The following CUL7 variants were observed in gnomAD, a reference collection of about 807,000 sequenced individuals.
CUL7 encodes the protein cullin-7.
CUL7 carries 96 observed loss-of-function variants against 177.7 expected under a neutral mutation model. The ratio of observed to expected loss-of-function variants is 0.54; its 90% CI spans 0.46 to 0.64. The LOEUF (loss-of-function observed/expected upper bound fraction) is 0.64, where lower values mean the gene tolerates loss of function less well. Ranked by LOEUF, CUL7 falls within the 30% of genes least tolerant of loss-of-function variation. The pLI is 0.00. For synonymous variants in CUL7, 824 were observed against 890.2 expected (o/e 0.93, Z 1.32); for missense variants, 1,893 against 2,187.9 (o/e 0.87, Z 2.69).
chr6:43,040,885 C>T lies in CUL7; in HGVS notation c.3806+30G>A, dbSNP rs1763357009. On this transcript the variant is annotated intron_variant, in intron 20 of 25. Transcript: ENST00000265348. The surrounding 1 kb of genome is among the most constrained non-coding windows in gnomAD (Gnocchi z 4.2). ...TCTGCCACCATCATCCTGCCTCCCG[C>T]CAGCTCCCGCTCCTTAGGTCCACAC... 2 of 1,611,528 alleles carry T rather than the reference C, an allele frequency of 1.2e-6. No homozygotes were observed. Among genetic ancestry groups the T allele is most frequent in the Admixed American group, 1.7e-5 (1 of 59,662 alleles).
chr6:43,050,269 G>C lies in CUL7; in HGVS notation c.1363C>G (p.Leu455Val), dbSNP rs552369747. Residue 455 changes from leucine to valine, a missense_variant, in exon 5 of 26, where the codon CTG (leucine) becomes GTG (valine). Leu to Val is a conservative substitution (Grantham distance 32, BLOSUM62 1). Around this residue, in one of 5 missense-constraint regions of CUL7, gnomAD observed 653 missense variants for 725.2 expected, o/e 0.90. Transcript: ENST00000265348. The surrounding 1 kb of genome is among the most constrained non-coding windows in gnomAD (Gnocchi z 4.1). Reference sequence around the variant, plus strand: ...TCCTCCCTGAGCTCACCTCTACCCAGGACTCTACTGGCCACTGCCCCTTGG... The same window carrying C: ...TCCTCCCTGAGCTCACCTCTACCCACGACTCTACTGGCCACTGCCCCTTGG... ...EYQGAVASRVLGRALPAWRWR... is the reference protein window; with the variant it reads ...EYQGAVASRVVGRALPAWRWR... 10 of 1,614,160 alleles carry C rather than the reference G, an allele frequency of 6.2e-6. No homozygotes were observed. In the African/African-American group the frequency reaches 8.0e-5, roughly 13 times the overall value.
chr6:43,052,182 T>C lies in CUL7; in HGVS notation c.580+27A>G, dbSNP rs764379986. The C allele has an allele frequency of 2.5e-6, 4 of 1,613,662 alleles. No individual in the cohort carries two copies. The East Asian group carries it at 8.9e-5, about 36-fold the overall frequency. On this transcript the variant is annotated intron_variant, in intron 2 of 25. Coordinates refer to ENST00000265348, the MANE Select transcript of CUL7 (RefSeq NM_014780.5). The surrounding 1 kb of genome is among the most constrained non-coding windows in gnomAD (Gnocchi z 4.5). ...AGCCGACCCAGCCCTTCTCCTGCTT[T>C]CCCTTCCTCCCCACACTGCCCCTCA...
chr6:43,045,762 C>T lies in CUL7; in HGVS notation c.2767-80G>A. On this transcript the variant is annotated intron_variant, in intron 13 of 25. Transcript: ENST00000265348. This position sits in a 1 kb window ranked among gnomAD's most constrained non-coding sequence, Gnocchi z 4.8. ...CTAGGCTCCAGTCCCCTCACTGTTT[C>T]CCTCCCTTCCCCAGCCCTGGGATGT... 1.4e-6 allele frequency: 2 copies of T among 1,465,530 alleles called. No homozygotes were observed. Among genetic ancestry groups the T allele is most frequent in the Non-Finnish European group, 1.9e-6 (2 of 1,048,726 alleles). 90.8% of individuals were successfully genotyped at this position (1,465,530 alleles called of 1,614,324 possible).
rs977887776 is a variant in CUL7, at chr6:43,053,272, G to A, written c.-9+350C>T. Among the ~76,000 whole-genome samples the A allele has an allele frequency of 4.6e-5, 7 of 152,142 alleles. No homozygotes were observed. In the East Asian group the frequency reaches 1.4e-3, roughly 29 times the overall value. On this transcript the variant is annotated intron_variant, in intron 1 of 25. Coordinates refer to ENST00000265348, the MANE Select transcript of CUL7 (RefSeq NM_014780.5). The surrounding 1 kb of genome is among the most constrained non-coding windows in gnomAD (Gnocchi z 4.1). Reference sequence around the variant, plus strand: ...AAGAGTCCCGAGATCGCAGAGTTAAGAGACCTGAGAACTGGTGGTGGAGTG... The same window carrying A: ...AAGAGTCCCGAGATCGCAGAGTTAAAAGACCTGAGAACTGGTGGTGGAGTG...
chr6:43,037,651 G>C lies in CUL7; in HGVS notation c.*37C>G, dbSNP rs777242487. 1 of 1,517,676 alleles carries C rather than the reference G, an allele frequency of 6.6e-7. No individual in the cohort carries two copies. The highest frequency in any genetic ancestry group is 9.0e-7 in the Non-Finnish European group (1 of 1,116,696). The allele number at this position is 1,517,676 out of a possible 1,614,324, so 94.0% of individuals were successfully genotyped here. A position where few individuals can be genotyped will look rare whatever the true frequency, so the allele number is the denominator to read the frequency against. On this transcript the variant is annotated 3_prime_UTR_variant, in exon 26 of 26. Transcript: ENST00000265348. Reference sequence around the variant, plus strand: ...ACTCTTGGGTTTTATTTCTGTAAAAGCTCCAGCTCTACCTTCCCCTGACCC... The same window carrying C: ...ACTCTTGGGTTTTATTTCTGTAAAACCTCCAGCTCTACCTTCCCCTGACCC...
rs1057371915 is a variant in CUL7 at position 43,053,002 on chromosome 6, T to C, written c.-8-206A>G. 1.3e-5 allele frequency among the ~76,000 whole-genome samples: 2 copies of C among 151,884 alleles called. No homozygotes were observed. Among genetic ancestry groups the C allele is most frequent in the Admixed American group, 6.6e-5 (1 of 15,254 alleles). On this transcript the variant is annotated intron_variant, in intron 1 of 25. Transcript: ENST00000265348. The surrounding 1 kb of genome is among the most constrained non-coding windows in gnomAD (Gnocchi z 4.1). ...GTGTTTGTTGTGAAAGAACACAAAATTTGGGGGCTAAAAGGAAGGTCCCCA... is the reference window on the plus strand; with the variant it reads ...GTGTTTGTTGTGAAAGAACACAAAACTTGGGGGCTAAAAGGAAGGTCCCCA...
chr6:43,045,782 G>T lies in CUL7; in HGVS notation c.2767-100C>A. The T allele has an allele frequency of 7.4e-7, 1 of 1,358,500 alleles. No individual in the cohort carries two copies. The highest frequency in any genetic ancestry group is 1.0e-6 in the Non-Finnish European group (1 of 958,520). The allele number at this position is 1,358,500 out of a possible 1,614,324, so 84.2% of individuals were successfully genotyped here. ...TGTTTCCCTCCCTTCCCCAGCCCTG[G>T]GATGTGTAGGGTCCTGACAAAGCTG... On this transcript the variant is annotated intron_variant, in intron 13 of 25. Coordinates refer to ENST00000265348, the MANE Select transcript of CUL7 (RefSeq NM_014780.5). This position sits in a 1 kb window ranked among gnomAD's most constrained non-coding sequence, Gnocchi z 4.8.
Position 43,053,830 on chromosome 6 carries a change from G to A in CUL7, c.-217C>T, listed in dbSNP as rs1460071696. On this transcript the variant is annotated 5_prime_UTR_variant, in exon 1 of 26. Coordinates refer to ENST00000265348, the MANE Select transcript of CUL7 (RefSeq NM_014780.5). This position sits in a 1 kb window ranked among gnomAD's most constrained non-coding sequence, Gnocchi z 4.1. ...AGGGTGGGGCCCGGTCCCTGCCAGC[G>A]GCTCCGCCAGCCAAAAGCCACGGCT... 2.6e-6 allele frequency: 4 copies of A among 1,532,902 alleles called. No individual in the cohort carries two copies. Among genetic ancestry groups the A allele is most frequent in the Admixed American group, 2.0e-5 (1 of 50,960 alleles). The allele number at this position is 1,532,902 out of a possible 1,614,324, so 95.0% of individuals were successfully genotyped here.
Position 43,053,849 on chromosome 6 carries a change from C to T in CUL7, c.-236G>A, listed in dbSNP as rs886061423. On this transcript the variant is annotated 5_prime_UTR_variant, in exon 1 of 26. Coordinates refer to ENST00000265348, the MANE Select transcript of CUL7 (RefSeq NM_014780.5). This position sits in a 1 kb window ranked among gnomAD's most constrained non-coding sequence, Gnocchi z 4.1. ...GCCAGCGGCTCCGCCAGCCAAAAGC[C>T]ACGGCTCATTTCCGCCCGACCCAGC... 1.4e-4 allele frequency: 217 copies of T among 1,533,022 alleles called. No individual in the cohort carries two copies. Among genetic ancestry groups the T allele is most frequent in the Middle Eastern group, 2.2e-4 (1 of 4,498 alleles). The allele number at this position is 1,533,022 out of a possible 1,614,324, so 95.0% of individuals were successfully genotyped here.
At position 43,046,391 on chromosome 6, in the gene CUL7, C is replaced by T. The variant is rs577270842; in HGVS notation, c.2505G>A (p.Val835=). The T allele has an allele frequency of 6.2e-7, 1 of 1,614,218 alleles. No individual in the cohort carries two copies. The highest frequency in any genetic ancestry group is 1.3e-5 in the African/African-American group (1 of 75,052). ...CCTTCTCCCAGCACTTGTCCTCCTTCACTTCCACACTGGAGCCTGGGGGCA... is the reference window on the plus strand; with the variant it reads ...CCTTCTCCCAGCACTTGTCCTCCTTTACTTCCACACTGGAGCCTGGGGGCA... ...RYLCQGSSVE[V]KEDKCWEKVE... The change falls in exon 12 of 26, where the codon GTG becomes GTA. Residue 835 remains valine (V), a synonymous_variant. Transcript: ENST00000265348.
chr6:43,042,773 C>G, intron 19 of CUL7, 29 bp downstream of exon 19: 1 of 1,537,944 alleles, frequency 6.5e-7, no homozygotes, highest in Non-Finnish European at 9.0e-7. Flanking sequence ...CGGAAGAGAC[C>G]CAAGGATGAG....
In CUL7 at chr6:43,042,957, G is replaced by A. The variant is rs201135654; in HGVS notation, c.3490C>T (p.Arg1164Trp). 4.7e-4 allele frequency: 760 copies of A among 1,614,144 alleles called. 11 individuals carry two copies. The Admixed American group carries it at 0.012, about 25-fold the overall frequency. The change falls in exon 19 of 26, where the codon CGG becomes TGG. Residue 1164 changes from arginine to tryptophan, a missense_variant. Physicochemically the swap from Arg to Trp is moderately radical, Grantham distance 101 (BLOSUM62 -3). Coordinates refer to ENST00000265348, the MANE Select transcript of CUL7 (RefSeq NM_014780.5). ...QVNNFLTSSW[R>W]DDDFVPRYCE... Reference sequence around the variant, plus strand: ...TAGCGTGGCACAAAGTCATCATCCCGCCAGGATGAGGTCAGAAAATTGTTC... The same window carrying A: ...TAGCGTGGCACAAAGTCATCATCCCACCAGGATGAGGTCAGAAAATTGTTC...
intron 19 of CUL7, 87 bp from the exon 20 acceptor site, chr6:43,041,162 T>A (rs1396407705): frequency 8.2e-6 from 11 of 1,338,538 alleles, no homozygotes; most frequent in Non-Finnish European, 1.2e-5. Flanking sequence ...GGAAAGTAGA[T>A]ATGAATGCTG....
rs1282508941 is a variant in CUL7 at position 43,052,941 on chromosome 6, G to A, written c.-8-145C>T. On this transcript the variant is annotated intron_variant, in intron 1 of 25. Transcript: ENST00000265348. The surrounding 1 kb of genome is among the most constrained non-coding windows in gnomAD (Gnocchi z 4.5). Reference sequence around the variant, plus strand: ...CAGGCCCAGGAGTTGCATGCTGCACGCTGGGTGGGGGCAGGCCTAAGCAGA... The same window carrying A: ...CAGGCCCAGGAGTTGCATGCTGCACACTGGGTGGGGGCAGGCCTAAGCAGA... 4 of 816,292 alleles carry A rather than the reference G, an allele frequency of 4.9e-6. No homozygotes were observed. The highest frequency in any genetic ancestry group is 8.0e-6 in the Non-Finnish European group (4 of 498,260). 50.6% of individuals were successfully genotyped at this position (816,292 alleles called of 1,614,324 possible).
Position 43,048,218 on chromosome 6 carries a change from A to G in CUL7, c.2099T>C (p.Leu700Pro). ...CACGGCCTCGTGCCAGGGGAGCAGC[A>G]GTGCCTCGGGGAAGTCCACCAGCTG... ...LKQLVDFPEALLLPWHEAVDA... is the reference protein window; with the variant it reads ...LKQLVDFPEAPLLPWHEAVDA... The change falls in exon 9 of 26, where the codon CTG becomes CCG. Residue 700 changes from leucine (L) to proline (P), a missense_variant. By Grantham distance (98) the Leu-to-Pro change is moderately conservative. Coordinates refer to ENST00000265348, the MANE Select transcript of CUL7 (RefSeq NM_014780.5). The G allele has an allele frequency of 6.2e-7, 1 of 1,614,086 alleles. No individual in the cohort carries two copies. The highest frequency in any genetic ancestry group is 8.5e-7 in the Non-Finnish European group (1 of 1,179,940).
Position 43,051,511 on chromosome 6 carries a change from T to G in CUL7, c.733-43A>C, listed in dbSNP as rs1264510270. 6.2e-7 allele frequency: 1 copy of G among 1,614,018 alleles called. No individual in the cohort carries two copies. Among genetic ancestry groups the G allele is most frequent in the Admixed American group, 1.7e-5 (1 of 60,012 alleles). ...TGGCCTATATCCACCTTGTCCCAGTTTAAGCCCCTCTCTCCATACCATCCT... is the reference window on the plus strand; with the variant it reads ...TGGCCTATATCCACCTTGTCCCAGTGTAAGCCCCTCTCTCCATACCATCCT... On this transcript the variant is annotated intron_variant, in intron 3 of 25. Coordinates refer to ENST00000265348, the MANE Select transcript of CUL7 (RefSeq NM_014780.5). This position sits in a 1 kb window ranked among gnomAD's most constrained non-coding sequence, Gnocchi z 5.0.
In CUL7 at chr6:43,052,486, G is replaced by A. The variant is rs1764502750; in HGVS notation, c.303C>T (p.Ala101=). The A allele has an allele frequency of 1.2e-6, 2 of 1,614,118 alleles. No homozygotes were observed. The highest frequency in any genetic ancestry group is 1.7e-6 in the Non-Finnish European group (2 of 1,180,034). Reference sequence around the variant, plus strand: ...TCTCCTCCAGCACAGATTTGTCCAGGGCCCCAACCTCCCCTGCAGACTCCT... The same window carrying A: ...TCTCCTCCAGCACAGATTTGTCCAGAGCCCCAACCTCCCCTGCAGACTCCT... ...PSQESAGEVG[A]LDKSVLEEME... Residue 101 remains alanine, a synonymous_variant, in exon 2 of 26, where the codon GCC becomes GCT. Coordinates refer to ENST00000265348, the MANE Select transcript of CUL7 (RefSeq NM_014780.5). The surrounding 1 kb of genome is among the most constrained non-coding windows in gnomAD (Gnocchi z 4.5).
chr6:43,044,428 G>C (rs1330288357), intron 16 of CUL7, among the ~76,000 whole-genome samples: 1 of 152,124 alleles, frequency 6.6e-6, no homozygotes, highest in African/African-American at 2.4e-5. Context: ...GAACCTGGGA[G>C]GCAGAGGTTG....
Position 43,046,285 on chromosome 6 carries a change from C to T in CUL7, c.2611G>A (p.Ala871Thr), listed in dbSNP as rs368011828. Residue 871 changes from alanine (A) to threonine (T), a missense_variant, in exon 12 of 26, where the codon GCC becomes ACC. By Grantham distance (58) the Ala-to-Thr change is moderately conservative (BLOSUM62 0). Coordinates refer to ENST00000265348, the MANE Select transcript of CUL7 (RefSeq NM_014780.5). ...TGCAGGGTGATGTAGTGGGAGCCGG[C>T]GCTGCCGTTGGACTCCCAATAGGTC... Reference protein sequence around the residue: ...PKTYWESNGSAGSHYITLHMR... With the variant: ...PKTYWESNGSTGSHYITLHMR... The T allele has an allele frequency of 3.6e-5, 58 of 1,614,100 alleles. No homozygotes were observed. Among genetic ancestry groups the T allele is most frequent in the East Asian group, 8.9e-5 (4 of 44,888 alleles).
Sources: allele counts gnomAD v4.1 joint callset (sites outside exome capture counted in the v4.1 genomes callset), GRCh38; gene constraint gnomAD v4.1.1; regional missense constraint gnomAD v4.1.1; non-coding constraint Gnocchi (gnomAD v3.1); transcripts MANE v1.5; gene names NCBI Gene and HGNC (gene_info 2026-07-23, HGNC 2026-07-21).